The following SYCP2L variants were observed in gnomAD, a reference collection of about 807,000 sequenced individuals.
The protein encoded by SYCP2L is synaptonemal complex protein 2 like, also known as synaptonemal complex protein 2-like.
SYCP2L carries 98 observed loss-of-function variants against 125.8 expected under a neutral mutation model. That is an observed-to-expected ratio of 0.78 (90% CI 0.66 to 0.92). The LOEUF is 0.92. Ranked by LOEUF, SYCP2L falls within the 40% of genes least tolerant of loss-of-function variation. The pLI, the probability that SYCP2L is intolerant of heterozygous loss-of-function variation, is 0.00. For synonymous variants in SYCP2L, 317 were observed against 325.4 expected, an observed-to-expected ratio of 0.97 and a Z score of 0.28; for missense variants, 842 against 936.4, an observed-to-expected ratio of 0.90 and a Z score of 1.32.
At chr6:10,910,228 C>T (rs1278518905) in intron 11 of SYCP2L, 28 bp downstream of exon 11, 1 of 1,597,384 alleles carries the variant, frequency 6.3e-7, no homozygotes. Flanking sequence ...GCATTATTGA[C>T]TAGTTGTATT....
intron 1 of SYCP2L, among the ~76,000 whole-genome samples, chr6:10,889,781 C>T (rs182463540): frequency 1.3e-5 from 2 of 152,148 alleles, no homozygotes; most frequent in East Asian, 1.9e-4. Context: ...CCACCCTGCC[C>T]GGATAATTTT....
chr6:10,911,728 C>T (rs1407260784), intron 12 of SYCP2L, among the ~76,000 whole-genome samples: 7 of 152,066 alleles, frequency 4.6e-5, no homozygotes, highest in Admixed American at 3.9e-4. Flanking sequence ...CTTACATTGG[C>T]TTCCAGGAAC....
intron 1 of SYCP2L, among the ~76,000 whole-genome samples, chr6:10,889,851 C>G (rs1337566354): frequency 1.3e-5 from 2 of 151,922 alleles, no homozygotes; most frequent in Non-Finnish European, 2.9e-5. Flanking sequence ...AACTCCTGAC[C>G]TCAGGTGATC....
chr6:10,935,231 T>G (rs772147489), intron 21 of SYCP2L, 44 bp downstream of exon 21: 1 of 1,594,432 alleles, frequency 6.3e-7, no homozygotes, highest in South Asian at 1.2e-5. Context: ...AATTTGTATT[T>G]GGGAAAGGTA....
chr6:10,952,151 G>C (rs1323960865), intron 23 of SYCP2L, among the ~76,000 whole-genome samples: 1 of 152,154 alleles, frequency 6.6e-6, no homozygotes. Context: ...GTTGAAACGT[G>C]CTAGTGAAAA....
intron 14 of SYCP2L, among the ~76,000 whole-genome samples, chr6:10,923,769 C>T (rs1780846506): frequency 6.6e-6 from 1 of 151,282 alleles, no homozygotes; most frequent in African/African-American, 2.4e-5. Flanking sequence ...CTGCAAGCTC[C>T]GCCTCCTGGG....
intron 8 of SYCP2L, among the ~76,000 whole-genome samples, chr6:10,903,872 G>C (rs1345589950): frequency 2.0e-5 from 3 of 151,026 alleles, no homozygotes; most frequent in Admixed American, 1.3e-4. Context: ...GTTTTCTCAG[G>C]CTATATTTTT....
In SYCP2L at chr6:10,887,179, A is replaced by AGG. The variant is rs751573718; in HGVS notation, c.9+46_9+47dup. ...GCCCGGACCTTCTGTCCACAGTGCTAGGGCGCGCGAGGGCGCGGGGTCCCT... is the reference window on the plus strand; with the variant it reads ...GCCCGGACCTTCTGTCCACAGTGCTAGGGGGCGCGCGAGGGCGCGGGGTCCCT... On this transcript the variant is annotated intron_variant, in intron 1 of 29. Transcript: ENST00000283141. 5.0e-6 allele frequency: 8 copies of AGG among 1,611,032 alleles called. No individual in the cohort carries two copies. The South Asian group carries it at 7.7e-5, about 15-fold the overall frequency.
intron 14 of SYCP2L, among the ~76,000 whole-genome samples, chr6:10,913,980 T>C (rs1780648302): frequency 6.6e-6 from 1 of 152,050 alleles, no homozygotes; most frequent in African/African-American, 2.4e-5. Flanking sequence ...GACAGGCATG[T>C]GCCACCATGC....
chr6:10,901,673 T>A (rs1050181172), intron 6 of SYCP2L, among the ~76,000 whole-genome samples: 2 of 152,190 alleles, frequency 1.3e-5, no homozygotes. Context: ...CAAAAACATC[T>A]CCAGACATTG....
At chr6:10,938,094 A>G (rs1450160896) in intron 21 of SYCP2L, among the ~76,000 whole-genome samples, 2 of 152,220 alleles carry the variant, frequency 1.3e-5, no homozygotes, top group Admixed American at 1.3e-4. Context: ...TCAAAGCCAG[A>G]TAAGAATGCT....
At chr6:10,961,454 G>A (rs1368429311) in intron 27 of SYCP2L, 46 bp from the exon 28 acceptor site, 1 of 1,613,566 alleles carries the variant, frequency 6.2e-7, no homozygotes, top group Non-Finnish European at 8.5e-7. Flanking sequence ...CTTTCCCAGG[G>A]AAAAATAACG....
intron 8 of SYCP2L, among the ~76,000 whole-genome samples, chr6:10,904,721 G>A (rs1780453371): frequency 6.6e-6 from 1 of 152,134 alleles, no homozygotes; most frequent in South Asian, 2.1e-4. Context: ...TTCGCTCAGT[G>A]GTACTGTTTT....
intron 2 of SYCP2L, among the ~76,000 whole-genome samples, chr6:10,892,443 C>G (rs1422643006): frequency 6.6e-6 from 1 of 152,156 alleles, no homozygotes; most frequent in Non-Finnish European, 1.5e-5. Context: ...GTGACTACAG[C>G]CATGAACCAC....
In SYCP2L at chr6:10,926,413, T is replaced by C. The variant is rs1372385811; in HGVS notation, c.1293T>C (p.Ser431=). 1 of 1,613,468 alleles carries C rather than the reference T, an allele frequency of 6.2e-7. No individual in the cohort carries two copies. Among genetic ancestry groups the C allele is most frequent in the Admixed American group, 1.7e-5 (1 of 59,922 alleles). Residue 431 remains serine, a synonymous_variant, in exon 16 of 30, where the codon AGT becomes AGC. Transcript: ENST00000283141. The part of the protein sequence containing the change: ...KSDKEDRESP[S]GLERETEQAE... ...ATAAAGAAGACAGGGAGAGTCCCAG[T>C]GGCCTTGAAAGAGAAACAGGTATAT...
Position 10,957,521 on chromosome 6 carries a change from G to A in SYCP2L, c.2164-1263G>A, listed in dbSNP as rs1223501714. On this transcript the variant is annotated intron_variant, in intron 25 of 29. Transcript: ENST00000283141. Reference sequence around the variant, plus strand: ...AGGATGGAACCAAGTGGGCTAGAGAGGAGTCTGGGGCCGGGCATGGTGATT... The same window carrying A: ...AGGATGGAACCAAGTGGGCTAGAGAAGAGTCTGGGGCCGGGCATGGTGATT... Among the ~76,000 whole-genome samples the A allele has an allele frequency of 2.6e-5, 4 of 152,264 alleles. No individual in the cohort carries two copies. In the South Asian group the frequency reaches 6.2e-4, roughly 24 times the overall value.
intron 6 of SYCP2L, among the ~76,000 whole-genome samples, chr6:10,902,389 G>A (rs1197872156): frequency 6.6e-6 from 1 of 152,152 alleles, no homozygotes; most frequent in Non-Finnish European, 1.5e-5. Flanking sequence ...AAAGTCTGCT[G>A]TAATAAAAGT....
intron 10 of SYCP2L, among the ~76,000 whole-genome samples, chr6:10,907,905 T>TTTTTTTTTTTTTTTTTTTTTTTTTTTTG: frequency 7.1e-6 from 1 of 141,780 alleles, no homozygotes; most frequent in African/African-American, 2.7e-5. Flanking sequence ...TTTTTTTTTT[T>TTTTTTTTTTTTTTTTTTTTTTTTTTTTG]TTTTTGACAG....
intron 14 of SYCP2L, among the ~76,000 whole-genome samples, chr6:10,923,428 C>T (rs573342799): frequency 2.8e-5 from 4 of 141,898 alleles, no homozygotes; most frequent in African/African-American, 1.1e-4. Context: ...CTCTGTCACC[C>T]AGGCTGGAGT....
Sources: allele counts gnomAD v4.1 joint callset (sites outside exome capture counted in the v4.1 genomes callset), GRCh38; gene constraint gnomAD v4.1.1; transcripts MANE v1.5; gene names NCBI Gene and HGNC (gene_info 2026-07-23, HGNC 2026-07-21).